Variants in SPAG16 observed in about 807,000 individuals in gnomAD.
SPAG16 encodes sperm associated antigen 16, also known as sperm-associated antigen 16 protein.
SPAG16 carries 86 observed loss-of-function variants against 80.4 expected under a neutral mutation model. The ratio of observed to expected loss-of-function variants is 1.07; its 90% CI spans 0.90 to 1.28. The LOEUF is 1.28. Ranked by LOEUF, SPAG16 falls within the 50% of genes most tolerant of loss-of-function variation. The pLI, the probability that SPAG16 is intolerant of heterozygous loss-of-function variation, is 0.00. For missense variants in SPAG16, 870 were observed against 765.3 expected (o/e 1.14, Z -1.61); for synonymous variants, 294 against 265.9 (o/e 1.11, Z -1.03).
At chr2:214,023,550 T>G (rs1559703768) in intron 13 of SPAG16, among the ~76,000 whole-genome samples, 1 of 151,848 alleles carries the variant, frequency 6.6e-6, no homozygotes. Flanking sequence ...AATCAGATGT[T>G]TTGCTTTTAG....
chr2:213,489,151 TG>T (rs2074128079), intron 9 of SPAG16, among the ~76,000 whole-genome samples: 1 of 150,684 alleles, frequency 6.6e-6, no homozygotes, highest in African/African-American at 2.4e-5. Flanking sequence ...AATAAGTAAA[TG>T]GGTGCAAAAA....
intron 10 of SPAG16, among the ~76,000 whole-genome samples, chr2:213,513,796 C>T (rs1029180788): frequency 1.3e-5 from 2 of 152,160 alleles, no homozygotes; most frequent in African/African-American, 4.8e-5. Context: ...TAATTTTATA[C>T]TTAAGCTGGT....
chr2:213,649,069 T>C (rs1408864164), intron 10 of SPAG16, among the ~76,000 whole-genome samples: 2 of 152,254 alleles, frequency 1.3e-5, no homozygotes, highest in African/African-American at 4.8e-5. Context: ...TGGTGAAATC[T>C]TCATTGCTCA....
intron 10 of SPAG16, among the ~76,000 whole-genome samples, chr2:213,615,867 A>G (rs1286026471): frequency 3.3e-5 from 5 of 152,124 alleles, no homozygotes; most frequent in Non-Finnish European, 5.9e-5. Flanking sequence ...CAGTATCACA[A>G]TAATCCTATG....
At chr2:213,724,981 G>A (rs1279240868) in intron 10 of SPAG16, among the ~76,000 whole-genome samples, 4 of 151,748 alleles carry the variant, frequency 2.6e-5, no homozygotes, top group African/African-American at 2.4e-5. Context: ...TCAATTTAAG[G>A]CATGAGAGAT....
At chr2:214,291,902 T>A (rs1693833198) in intron 15 of SPAG16, among the ~76,000 whole-genome samples, 1 of 152,206 alleles carries the variant, frequency 6.6e-6, no homozygotes, top group Admixed American at 6.5e-5. Context: ...TCTTTTCGCT[T>A]CCAGATTTAG....
At chr2:213,560,857 G>A (rs2059578705) in intron 10 of SPAG16, among the ~76,000 whole-genome samples, 1 of 152,130 alleles carries the variant, frequency 6.6e-6, no homozygotes, top group African/African-American at 2.4e-5. Context: ...GACGAAGTTA[G>A]CAACCATTAA....
At chr2:213,803,577 A>G (rs182013308) in intron 10 of SPAG16, among the ~76,000 whole-genome samples, 2 of 152,270 alleles carry the variant, frequency 1.3e-5, no homozygotes, top group East Asian at 1.9e-4. Flanking sequence ...GGAAAACAAA[A>G]CAAAGCAAAA....
intron 15 of SPAG16, among the ~76,000 whole-genome samples, chr2:214,186,116 G>C (rs1037234612): frequency 6.6e-6 from 1 of 152,106 alleles, no homozygotes; most frequent in African/African-American, 2.4e-5. Flanking sequence ...CTTTCAACAA[G>C]CATTACTGGA....
chr2:213,403,025 C>G (rs1323311016), intron 9 of SPAG16, among the ~76,000 whole-genome samples: 5 of 151,856 alleles, frequency 3.3e-5, no homozygotes, highest in Admixed American at 1.3e-4. Flanking sequence ...AATGGTTGAA[C>G]TAGTTTACAG....
intron 10 of SPAG16, among the ~76,000 whole-genome samples, chr2:213,698,079 A>G (rs114498622): frequency 5.3e-5 from 8 of 151,366 alleles, no homozygotes; most frequent in African/African-American, 1.9e-4. Flanking sequence ...ACCCTTTTCA[A>G]CCTCTTTGTT....
chr2:214,307,236 CTT>C, intron 15 of SPAG16, among the ~76,000 whole-genome samples: 1 of 152,072 alleles, frequency 6.6e-6, no homozygotes, highest in Non-Finnish European at 1.5e-5. Context: ...TAATATCCCC[CTT>C]TTTTGTTTCT....
chr2:213,758,741 A>G (rs1239945428), intron 10 of SPAG16, among the ~76,000 whole-genome samples: 2 of 152,152 alleles, frequency 1.3e-5, no homozygotes, highest in African/African-American at 4.8e-5. Flanking sequence ...GAGAAGAGAA[A>G]ACTTGAAGAA....
intron 5 of SPAG16, among the ~76,000 whole-genome samples, chr2:213,331,507 A>G (rs548215308): frequency 3.9e-5 from 6 of 152,250 alleles, no homozygotes; most frequent in Non-Finnish European, 8.8e-5. Context: ...AGTCTTCAAC[A>G]TCCCATTTTC....
chr2:213,799,471 A>T (rs974510997), intron 10 of SPAG16, among the ~76,000 whole-genome samples: 1 of 152,144 alleles, frequency 6.6e-6, no homozygotes, highest in Non-Finnish European at 1.5e-5. Flanking sequence ...AGAAAAGCCC[A>T]CCCTAAATAC....
chr2:213,501,348 A>G (rs543965020), intron 10 of SPAG16, among the ~76,000 whole-genome samples: 1 of 152,232 alleles, frequency 6.6e-6, no homozygotes, highest in Non-Finnish European at 1.5e-5. Flanking sequence ...GATAATATTA[A>G]CTGCCTGAGA....
intron 13 of SPAG16, among the ~76,000 whole-genome samples, chr2:214,064,361 T>C (rs1003682476): frequency 2.0e-5 from 3 of 152,092 alleles, no homozygotes; most frequent in Non-Finnish European, 2.9e-5. Flanking sequence ...TAAAAACTGG[T>C]AATGTCATAA....
intron 9 of SPAG16, among the ~76,000 whole-genome samples, chr2:213,468,481 A>G (rs1299109072): frequency 8.4e-6 from 1 of 118,940 alleles, no homozygotes; most frequent in Non-Finnish European, 1.7e-5. Flanking sequence ...TTATATATAG[A>G]TATATATATG....
chr2:213,825,179 A>C (rs1297147866), intron 10 of SPAG16, among the ~76,000 whole-genome samples: 1 of 152,074 alleles, frequency 6.6e-6, no homozygotes, highest in Non-Finnish European at 1.5e-5. Context: ...AACAAGTATA[A>C]TTTGAATTCT....
Sources: allele counts gnomAD v4.1 joint callset (sites outside exome capture counted in the v4.1 genomes callset), GRCh38; gene constraint gnomAD v4.1.1; transcripts MANE v1.5; gene names NCBI Gene and HGNC (gene_info 2026-07-23, HGNC 2026-07-21).